Variants in AFM observed in about 807,000 individuals in gnomAD.
AFM encodes the protein afamin, also known as alpha-Alb.
Under a neutral mutation model 68.7 loss-of-function variants are expected in AFM, and 82 were observed. The observed-to-expected ratio is 1.19, with a 90% confidence interval of 1.00 to 1.43. The LOEUF is 1.43. AFM is among the 40% of genes most tolerant of loss of function. AFM has a pLI of 0.00. For missense variants in AFM, 772 were observed against 701.8 expected (o/e 1.10, Z -1.13); for synonymous variants, 250 against 234.2 (o/e 1.07, Z -0.61).
At chr4:73,501,678 C>T in intron 12 of AFM, 109 bp from the exon 13 acceptor site, 1 of 1,246,194 alleles carries the variant, frequency 8.0e-7, no homozygotes. Flanking sequence ...AACTCTTTAC[C>T]CACACCCAAG....
In AFM at chr4:73,501,870, T is replaced by C. The variant is rs777372263; in HGVS notation, c.1730T>C (p.Val577Ala). Residue 577 changes from valine (V) to alanine (A), a missense_variant, in exon 13 of 15, where the codon GTG becomes GCG. Coordinates refer to ENST00000226355, the MANE Select transcript of AFM (RefSeq NM_001133.2). ...QSLFTNFANVVDKCCKAESPE... is the reference protein window; with the variant it reads ...QSLFTNFANVADKCCKAESPE... Reference sequence around the variant, plus strand: ...TTGTTTACAAATTTCGCAAATGTAGTGGATAAGTGCTGCAAAGCAGAGAGT... The same window carrying C: ...TTGTTTACAAATTTCGCAAATGTAGCGGATAAGTGCTGCAAAGCAGAGAGT... 1 of 1,613,578 alleles carries C rather than the reference T, an allele frequency of 6.2e-7. No homozygotes were observed. The highest frequency in any genetic ancestry group is 8.5e-7 in the Non-Finnish European group (1 of 1,179,676).
chr4:73,497,607 A>G (rs773416163), intron 9 of AFM, 45 bp from the exon 10 acceptor site: 1 of 1,324,322 alleles, frequency 7.6e-7, no homozygotes, highest in Non-Finnish European at 1.1e-6. Context: ...CTTATGGTTA[A>G]ATTTTAGATA....
chr4:73,494,473 C>G (rs1721197831), intron 8 of AFM, among the ~76,000 whole-genome samples: 1 of 152,030 alleles, frequency 6.6e-6, no homozygotes. Context: ...AAAGAGTTCG[C>G]TTGGTAAAGA....
chr4:73,499,451 T>C (rs892297090), intron 11 of AFM, among the ~76,000 whole-genome samples: 4 of 152,298 alleles, frequency 2.6e-5, no homozygotes, highest in Non-Finnish European at 5.9e-5. Flanking sequence ...TTTTGGAGAG[T>C]ACTTCAAATT....
chr4:73,497,834 G>A, intron 10 of AFM, 85 bp downstream of exon 10: 2 of 824,760 alleles, frequency 2.4e-6, no homozygotes, highest in East Asian at 3.0e-5. Flanking sequence ...TAGCTGTCAA[G>A]TTTTTCAGTT....
chr4:73,501,770 A>G lies in AFM; in HGVS notation c.1647-17A>G. 1 of 1,605,612 alleles carries G rather than the reference A, an allele frequency of 6.2e-7. No individual in the cohort carries two copies. Among genetic ancestry groups the G allele is most frequent in the Non-Finnish European group, 8.5e-7 (1 of 1,176,144 alleles). On this transcript the variant is annotated splice_polypyrimidine_tract_variant and intron_variant, in intron 12 of 14. Transcript: ENST00000226355. ...AGAAAGCGTTAATTAATTTTATTTG[A>G]CATCTTTTGGCCACAGGTTTCTTGT... is the stretch of plus-strand genomic sequence containing the variant.
intron 5 of AFM, 110 bp downstream of exon 5, chr4:73,487,209 C>A: frequency 8.7e-7 from 1 of 1,155,374 alleles, no homozygotes. Flanking sequence ...ATGATGTTCT[C>A]TTGTCACATT....
At chr4:73,499,362 G>T in intron 11 of AFM, 116 bp downstream of exon 11, 1 of 1,112,454 alleles carries the variant, frequency 9.0e-7, no homozygotes, top group Non-Finnish European at 1.2e-6. Context: ...TTTTAATATT[G>T]TTAAGCAAAA....
At chr4:73,491,087 A>G (rs1372445431) in intron 7 of AFM, among the ~76,000 whole-genome samples, 5 of 152,168 alleles carry the variant, frequency 3.3e-5, no homozygotes, top group African/African-American at 1.2e-4. Context: ...GCTGAAACGG[A>G]GAGGGGAAAT....
At chr4:73,491,047 G>T (rs1467180217) in intron 7 of AFM, among the ~76,000 whole-genome samples, 1 of 152,194 alleles carries the variant, frequency 6.6e-6, no homozygotes, top group Middle Eastern at 3.2e-3. Context: ...AGTCTAGTGT[G>T]TTGCTGTAAC....
Position 73,483,790 on chromosome 4 carries a change from C to T in AFM, c.89-151C>T, listed in dbSNP as rs2149342244. 1.1e-5 allele frequency: 6 copies of T among 560,754 alleles called. 1 individual carries two copies. The South Asian group carries it at 1.9e-4, about 18-fold the overall frequency. 34.7% of individuals were successfully genotyped at this position (560,754 alleles called of 1,614,324 possible). A position where few individuals can be genotyped will look rare whatever the true frequency, so the allele number is the denominator to read the frequency against. On this transcript the variant is annotated intron_variant, in intron 1 of 14. Coordinates refer to ENST00000226355, the MANE Select transcript of AFM (RefSeq NM_001133.2). ...AAGATTTCCTATTTTGTTCACATGA[C>T]TTATTTGTTTCTTGTTAAATATGCA...
At chr4:73,495,131 A>G (rs1200119822) in intron 8 of AFM, 169 bp from the exon 9 acceptor site, 2 of 495,168 alleles carry the variant, frequency 4.0e-6, no homozygotes, top group African/African-American at 3.9e-5. Flanking sequence ...CTTTTGTAAA[A>G]TGATCTATAG....
chr4:73,492,564 A>C (rs1374669926), intron 8 of AFM, among the ~76,000 whole-genome samples: 4 of 151,834 alleles, frequency 2.6e-5, no homozygotes, highest in Admixed American at 2.0e-4. Flanking sequence ...GTGAACTTGG[A>C]GCCACAGGGA....
At chr4:73,501,401 T>TATTGTATGTATTGAAATATA (rs1290189063) in intron 12 of AFM, among the ~76,000 whole-genome samples, 3 of 152,158 alleles carry the variant, frequency 2.0e-5, no homozygotes, top group Non-Finnish European at 4.4e-5. Flanking sequence ...ATTACAATTC[T>TATTGTATGTATTGAAATATA]CCTCTTCTAG....
intron 10 of AFM, 66 bp downstream of exon 10, chr4:73,497,815 T>A: frequency 9.5e-7 from 1 of 1,048,530 alleles, no homozygotes. Context: ...CCTCGAAGCG[T>A]AAAAAAGTTA....
chr4:73,483,652 A>T (rs1325402869), intron 1 of AFM, among the ~76,000 whole-genome samples: 2 of 152,224 alleles, frequency 1.3e-5, no homozygotes, highest in Admixed American at 6.5e-5. Flanking sequence ...AATGTATTTG[A>T]CATTTCTATC....
chr4:73,499,424 C>T (rs1721357520), intron 11 of AFM, among the ~76,000 whole-genome samples, 178 bp downstream of exon 11: 1 of 152,028 alleles, frequency 6.6e-6, no homozygotes, highest in South Asian at 2.1e-4. Context: ...AGAAGTAAAA[C>T]AGAATGTCTT....
chr4:73,501,678 C>G (rs1385685019), intron 12 of AFM, 109 bp from the exon 13 acceptor site: 2 of 1,246,078 alleles, frequency 1.6e-6, no homozygotes, highest in Non-Finnish European at 2.2e-6. Flanking sequence ...AACTCTTTAC[C>G]CACACCCAAG....
At chr4:73,494,497 C>T (rs546791951) in intron 8 of AFM, among the ~76,000 whole-genome samples, 5 of 152,068 alleles carry the variant, frequency 3.3e-5, no homozygotes, top group Non-Finnish European at 7.4e-5. Flanking sequence ...GAGTAAACAT[C>T]CCAGGGGACT....
Sources: gnomAD v4.1 joint callset for allele counts (sites outside exome capture counted in the v4.1 genomes callset) on GRCh38, gnomAD v4.1.1 for gene constraint, MANE v1.5 for transcripts, NCBI Gene and HGNC (gene_info 2026-07-23, HGNC 2026-07-21) for gene names.